The following SNX29 variants were observed in gnomAD, a reference collection of about 807,000 sequenced individuals.
SNX29 encodes the protein sorting nexin 29.
SNX29 carries 78 observed loss-of-function variants against 102.1 expected under a neutral mutation model. The observed-to-expected ratio is 0.76, with a 90% CI of 0.64 to 0.92. The LOEUF (loss-of-function observed/expected upper bound fraction) is 0.92, where lower values mean the gene tolerates loss of function less well. Among genes scored for constraint, SNX29 ranks in the 40% least tolerant of loss-of-function variants. The pLI, the probability that SNX29 is intolerant of heterozygous loss-of-function variation, is 0.00. For missense variants in SNX29, 1,280 were observed against 1,061.7 expected (o/e 1.21, Z -2.86); for synonymous variants, 580 against 414.5 (o/e 1.40, Z -4.85).
chr16:12,006,059 C>T (rs1211674588), intron 3 of SNX29, among the ~76,000 whole-genome samples: 11 of 152,012 alleles, frequency 7.2e-5, no homozygotes, highest in Admixed American at 6.6e-4. Context: ...TAATAATAGG[C>T]CAGGCGCTGT....
Position 12,177,536 on chromosome 16 carries a change from C to G in SNX29, c.1596-22065C>G, listed in dbSNP as rs967729787. ...TACACCTATCATCTTCACAAGCAGACTGTCATATTCTCTCACAGCTGCAGT... is the reference window on the plus strand; with the variant it reads ...TACACCTATCATCTTCACAAGCAGAGTGTCATATTCTCTCACAGCTGCAGT... On this transcript the variant is annotated intron_variant, in intron 13 of 20. Coordinates refer to ENST00000566228, the MANE Select transcript of SNX29 (RefSeq NM_032167.5). Among the ~76,000 whole-genome samples, 19 of 152,302 alleles carry G rather than the reference C, an allele frequency of 1.2e-4. No individual in the cohort carries two copies. In the East Asian group the frequency reaches 3.7e-3, roughly 29 times the overall value.
chr16:12,063,813 C>G (rs1008318489), intron 9 of SNX29, among the ~76,000 whole-genome samples: 1 of 151,772 alleles, frequency 6.6e-6, no homozygotes, highest in Non-Finnish European at 1.5e-5. Context: ...GTGACAATCT[C>G]GTAGGCCTAG....
intron 14 of SNX29, among the ~76,000 whole-genome samples, chr16:12,269,902 C>G (rs1479407307): frequency 6.6e-6 from 1 of 151,692 alleles, no homozygotes; most frequent in African/African-American, 2.4e-5. Context: ...ACTCTGTTGC[C>G]CAGGCTGGAG....
intron 16 of SNX29, among the ~76,000 whole-genome samples, chr16:12,376,686 G>A (rs978505935): frequency 2.3e-5 from 3 of 133,074 alleles, no homozygotes; most frequent in South Asian, 2.3e-4. Context: ...GCAGTGAGCC[G>A]AGATCGCACC....
At chr16:12,399,386 A>T (rs2083849474) in intron 17 of SNX29, among the ~76,000 whole-genome samples, 1 of 152,150 alleles carries the variant, frequency 6.6e-6, no homozygotes, top group South Asian at 2.1e-4. Flanking sequence ...CTTTGGACAA[A>T]TAGATCCCTT....
chr16:12,093,655 C>T (rs1302374893), intron 11 of SNX29: 1 of 152,172 alleles, frequency 6.6e-6, no homozygotes, highest in Non-Finnish European at 1.5e-5. Flanking sequence ...TTTCTCTGAA[C>T]TCGTTTTCCC....
chr16:12,194,437 T>C (rs1209186925), intron 13 of SNX29, among the ~76,000 whole-genome samples: 1 of 152,196 alleles, frequency 6.6e-6, no homozygotes, highest in East Asian at 1.9e-4. Flanking sequence ...GGGAAAGTTT[T>C]AGTCCTTCCT....
intron 18 of SNX29, among the ~76,000 whole-genome samples, chr16:12,407,174 C>T (rs942402308): frequency 6.2e-5 from 7 of 112,018 alleles, no homozygotes; most frequent in Admixed American, 5.3e-4. Context: ...GAAGGGCCCC[C>T]GCTTTTTCAG....
At chr16:12,545,950 A>G (rs1057421080) in intron 20 of SNX29, among the ~76,000 whole-genome samples, 1 of 152,138 alleles carries the variant, frequency 6.6e-6, no homozygotes, top group Non-Finnish European at 1.5e-5. Context: ...TATCCTGACA[A>G]CTAAGGGCAG....
At position 12,220,348 on chromosome 16, in the gene SNX29, G is replaced by A. The variant is rs573171710; in HGVS notation, c.1678+20665G>A. On this transcript the variant is annotated intron_variant, in intron 14 of 20. Transcript: ENST00000566228. ...GAAGGGAGGGAGGGAGGGAGGGAGA[G>A]CAACAGATTCACAGGCACAAAAGCC... Among the ~76,000 whole-genome samples the A allele has an allele frequency of 2.5e-3, 381 of 151,688 alleles. 2 individuals carry two copies. Among genetic ancestry groups the A allele is most frequent in the African/African-American group, 8.6e-3 (355 of 41,270 alleles).
intron 1 of SNX29, among the ~76,000 whole-genome samples, chr16:11,994,353 C>T (rs1280295299): frequency 4.6e-5 from 7 of 152,186 alleles, no homozygotes; most frequent in African/African-American, 7.2e-5. Flanking sequence ...ACCTGGTTGA[C>T]TGCTGGCTGG....
rs1303598281 is a variant in SNX29, at chr16:12,032,791, C to T, written c.247+5347C>T. The stretch of plus-strand genomic sequence containing the variant: ...CTATACCCTGTTGCATTCCCACTAG[C>T]AATGCACACGAGATCCATTTTCTCC... On this transcript the variant is annotated intron_variant, in intron 4 of 20. Coordinates refer to ENST00000566228, the MANE Select transcript of SNX29 (RefSeq NM_032167.5). Among the ~76,000 whole-genome samples the T allele has an allele frequency of 2.0e-5, 3 of 151,842 alleles. No individual in the cohort carries two copies. The East Asian group carries it at 5.8e-4, about 29-fold the overall frequency.
At chr16:12,194,729 C>T (rs939292705) in intron 13 of SNX29, among the ~76,000 whole-genome samples, 1 of 150,820 alleles carries the variant, frequency 6.6e-6, no homozygotes, top group East Asian at 1.9e-4. Context: ...CAGGTTCAAG[C>T]AATTCTTGTG....
At chr16:12,211,735 T>A (rs757279011) in intron 14 of SNX29, among the ~76,000 whole-genome samples, 1 of 152,222 alleles carries the variant, frequency 6.6e-6, no homozygotes, top group African/African-American at 2.4e-5. Context: ...GGGGGCAGAA[T>A]TCGTACTTCC....
In SNX29 at chr16:12,569,479, C is replaced by G. The variant is rs1266050587; in HGVS notation, c.*850C>G. 4.3e-6 allele frequency: 1 copy of G among 231,416 alleles called. No homozygotes were observed. The allele number at this position is 231,416 out of a possible 1,614,324, so 14.3% of individuals were successfully genotyped here. On this transcript the variant is annotated 3_prime_UTR_variant, in exon 21 of 21. Transcript: ENST00000566228. ...TCATGAGAGACTTGGGTCAGGGAAC[C>G]ACTGCAGAAGGTTCCAGGGTTTTCA...
chr16:12,220,557 T>A (rs1470473143), intron 14 of SNX29, among the ~76,000 whole-genome samples: 1 of 152,174 alleles, frequency 6.6e-6, no homozygotes, highest in East Asian at 1.9e-4. Context: ...TGAGCCAATT[T>A]GCATGTTTCT....
At chr16:12,492,471 T>G (rs571377502) in intron 19 of SNX29, among the ~76,000 whole-genome samples, 3 of 152,322 alleles carry the variant, frequency 2.0e-5, no homozygotes, top group Admixed American at 2.0e-4. Context: ...TTTCTCCCAT[T>G]TTGCAGGTTG....
chr16:12,430,221 G>A (rs1270387593), intron 18 of SNX29, among the ~76,000 whole-genome samples: 1 of 152,206 alleles, frequency 6.6e-6, no homozygotes, highest in East Asian at 1.9e-4. Flanking sequence ...CCAGTCCATG[G>A]AAAAATTGTC....
chr16:12,035,157 A>G (rs1034536148), intron 4 of SNX29, among the ~76,000 whole-genome samples: 2 of 151,850 alleles, frequency 1.3e-5, no homozygotes, highest in African/African-American at 4.8e-5. Flanking sequence ...GTATGCCCCT[A>G]AAAGGAAGTG....
Sources: allele counts gnomAD v4.1 joint callset (sites outside exome capture counted in the v4.1 genomes callset), GRCh38; gene constraint gnomAD v4.1.1; transcripts MANE v1.5; gene names NCBI Gene and HGNC (gene_info 2026-07-23, HGNC 2026-07-21).